CPEB3: variants seen among roughly 807,000 people sequenced by gnomAD.
The protein encoded by CPEB3 is cytoplasmic polyadenylation element-binding protein 3.
CPEB3 carries 20 observed loss-of-function variants against 67.2 expected under a neutral mutation model. That is an observed-to-expected ratio of 0.30 (90% CI 0.21 to 0.43). The LOEUF (loss-of-function observed/expected upper bound fraction) is 0.43. Ranked by LOEUF, CPEB3 falls within the 20% of genes least tolerant of loss-of-function variation. The pLI, the probability that CPEB3 is intolerant of heterozygous loss-of-function variation, is 1.00. For synonymous variants in CPEB3, 376 were observed against 393.1 expected (o/e 0.96, Z 0.51); for missense variants, 746 against 968.6 (o/e 0.77, Z 3.05).
At chr10:92,280,171 G>C (rs1842199415) in intron 1 of CPEB3, among the ~76,000 whole-genome samples, 1 of 151,248 alleles carries the variant, frequency 6.6e-6, no homozygotes, top group South Asian at 2.1e-4. Flanking sequence ...GATGAAACCC[G>C]GTCTCTATTA....
intron 6 of CPEB3, among the ~76,000 whole-genome samples, chr10:92,131,877 G>A (rs552067931): frequency 1.5e-3 from 232 of 152,234 alleles, no homozygotes; most frequent in African/African-American, 5.5e-3. Flanking sequence ...GTAGTTTGTT[G>A]ACCCTTGTTC....
intron 6 of CPEB3, chr10:92,137,264 C>T (rs1034584619): frequency 3.3e-6 from 2 of 607,408 alleles, no homozygotes; most frequent in African/African-American, 3.7e-5. Flanking sequence ...ATTGGGGGCA[C>T]CAACGTGCAT....
intron 7 of CPEB3, among the ~76,000 whole-genome samples, chr10:92,101,705 G>A (rs752927863): frequency 5.3e-4 from 81 of 152,108 alleles, no homozygotes; most frequent in Admixed American, 1.0e-3. Context: ...TCAGGAGTTC[G>A]AGACCAGCCT....
Position 92,221,740 on chromosome 10 carries a change from C to T in CPEB3, c.1005+17606G>A, listed in dbSNP as rs557810290. Among the ~76,000 whole-genome samples, 214 of 152,196 alleles carry T rather than the reference C, an allele frequency of 1.4e-3. 1 individual carries two copies. Among genetic ancestry groups the T allele is most frequent in the Non-Finnish European group, 2.2e-3 (152 of 68,024 alleles). On this transcript the variant is annotated intron_variant, in intron 2 of 9. Coordinates refer to ENST00000265997, the MANE Select transcript of CPEB3 (RefSeq NM_014912.5). ...AGAGAGGCTTGTAGTCCCAGCTACACAGAAGGCTGAGGCAGGAGGATAGCT... is the reference window on the plus strand; with the variant it reads ...AGAGAGGCTTGTAGTCCCAGCTACATAGAAGGCTGAGGCAGGAGGATAGCT...
chr10:92,114,119 G>A (rs1490309254), intron 6 of CPEB3, among the ~76,000 whole-genome samples: 1 of 151,974 alleles, frequency 6.6e-6, no homozygotes, highest in East Asian at 1.9e-4. Context: ...CCCAAAATCT[G>A]GGCTGTAGTT....
chr10:92,263,133 T>C (rs983923679), intron 1 of CPEB3, among the ~76,000 whole-genome samples: 12 of 152,148 alleles, frequency 7.9e-5, no homozygotes, highest in African/African-American at 2.4e-4. Context: ...TAGAATGCAA[T>C]GGCTGGATCT....
At chr10:92,064,464 TTGAG>T (rs1842473940) in intron 9 of CPEB3, among the ~76,000 whole-genome samples, 1 of 152,224 alleles carries the variant, frequency 6.6e-6, no homozygotes, top group Non-Finnish European at 1.5e-5. Context: ...ACACAGGGAC[TTGAG>T]TGAGTACCTT....
At chr10:92,188,504 A>C (rs1382254334) in intron 3 of CPEB3, among the ~76,000 whole-genome samples, 1 of 151,668 alleles carries the variant, frequency 6.6e-6, no homozygotes, top group Non-Finnish European at 1.5e-5. Context: ...GGCAGATGAC[A>C]AGGTCAGGAG....
At chr10:92,077,162 A>T (rs562054348) in intron 9 of CPEB3, among the ~76,000 whole-genome samples, 1 of 152,218 alleles carries the variant, frequency 6.6e-6, no homozygotes, top group East Asian at 1.9e-4. Flanking sequence ...TACCTAAGGA[A>T]ATACAAAAGT....
intron 1 of CPEB3, among the ~76,000 whole-genome samples, chr10:92,281,052 G>T (rs940243197): frequency 6.6e-6 from 1 of 151,886 alleles, no homozygotes; most frequent in African/African-American, 2.4e-5. Context: ...GAACCACCAC[G>T]CCCGGCGATG....
At chr10:92,106,475 GAA>G (rs1177833954) in intron 7 of CPEB3, among the ~76,000 whole-genome samples, 1 of 152,130 alleles carries the variant, frequency 6.6e-6, no homozygotes, top group Non-Finnish European at 1.5e-5. Context: ...AAGGATTCAT[GAA>G]AGAGATGGCA....
chr10:92,132,170 C>A lies in CPEB3; in HGVS notation c.1453+10859G>T, dbSNP rs570816653. Among the ~76,000 whole-genome samples the A allele has an allele frequency of 4.6e-5, 7 of 152,308 alleles. No individual in the cohort carries two copies. In the South Asian group the frequency reaches 1.5e-3, roughly 32 times the overall value. ...ATTTCAAGTGCTCATTAGCTACATA[C>A]TGCAGCAAGTAGTTCTAGATAAACT... is the stretch of plus-strand genomic sequence containing the variant. On this transcript the variant is annotated intron_variant, in intron 6 of 9. Coordinates refer to ENST00000265997, the MANE Select transcript of CPEB3 (RefSeq NM_014912.5).
At chr10:92,249,537 A>ACTCG (rs1374924905) in intron 1 of CPEB3, among the ~76,000 whole-genome samples, 1 of 151,968 alleles carries the variant, frequency 6.6e-6, no homozygotes, top group African/African-American at 2.4e-5. Context: ...AATCGCAACT[A>ACTCG]CTCGGGAGGT....
At chr10:92,291,094 A>G, upstream of CPEB3, 1 of 286,226 alleles carries the variant, frequency 3.5e-6, no homozygotes, top group South Asian at 3.9e-5. Context: ...AGACGGTCCG[A>G]AGACTACATC....
chr10:92,116,399 C>T (rs1428236041), intron 6 of CPEB3, among the ~76,000 whole-genome samples: 1 of 151,912 alleles, frequency 6.6e-6, no homozygotes, highest in Non-Finnish European at 1.5e-5. Context: ...TTACTGCAAA[C>T]AAACAATAAA....
chr10:92,093,645 G>T (rs1263802231), intron 7 of CPEB3, among the ~76,000 whole-genome samples: 1 of 151,904 alleles, frequency 6.6e-6, no homozygotes, highest in Non-Finnish European at 1.5e-5. Context: ...TGGGATTACA[G>T]GTGCCCGCCA....
chr10:92,093,382 T>G (rs1407841609), intron 7 of CPEB3, among the ~76,000 whole-genome samples: 1 of 152,226 alleles, frequency 6.6e-6, no homozygotes, highest in Non-Finnish European at 1.5e-5. Flanking sequence ...TGATAATTTC[T>G]TATGTGGCTT....
At chr10:92,068,407 C>T (rs1366984354) in intron 9 of CPEB3, among the ~76,000 whole-genome samples, 1 of 152,162 alleles carries the variant, frequency 6.6e-6, no homozygotes, top group African/African-American at 2.4e-5. Flanking sequence ...AGATGCAGAG[C>T]ACCCTGGCTA....
intron 1 of CPEB3, among the ~76,000 whole-genome samples, chr10:92,282,140 G>A (rs1249399577): frequency 6.6e-6 from 1 of 152,014 alleles, no homozygotes; most frequent in Non-Finnish European, 1.5e-5. Flanking sequence ...CATGGCCCAG[G>A]GATACATAAG....
Sources: allele counts gnomAD v4.1 joint callset (sites outside exome capture counted in the v4.1 genomes callset), GRCh38; gene constraint gnomAD v4.1.1; transcripts MANE v1.5; gene names NCBI Gene and HGNC (gene_info 2026-07-23, HGNC 2026-07-21).